RASA2: variants seen among roughly 807,000 people sequenced by gnomAD.
RASA2 encodes the protein ras GTPase-activating protein 2.
Under a neutral mutation model 118.2 loss-of-function variants are expected in RASA2, and 155 were observed. That is an observed-to-expected ratio of 1.31 (90% CI 1.15 to 1.50). The LOEUF (loss-of-function observed/expected upper bound fraction) is 1.50. Among genes scored for constraint, RASA2 ranks in the 40% most tolerant of loss-of-function variants. The pLI is 0.00. For missense variants in RASA2, 1,016 were observed against 1,009.6 expected (o/e 1.01, Z -0.09); for synonymous variants, 353 against 349.1 (o/e 1.01, Z -0.12).
chr3:141,608,500 A>T lies in RASA2; in HGVS notation c.2028A>T (p.Val676=), dbSNP rs770775953. 1 of 1,613,668 alleles carries T rather than the reference A, an allele frequency of 6.2e-7. No homozygotes were observed. The highest frequency in any genetic ancestry group is 8.5e-7 in the Non-Finnish European group (1 of 1,179,626). Residue 676 remains valine (V), a synonymous_variant, in exon 21 of 24, where the codon GTA becomes GTT. Transcript: ENST00000286364. The stretch of plus-strand genomic sequence containing the variant: ...AATTGCCTATGAAGATGTTCCAAGT[A>T]ATACATACGGAGAAACCACTCTATG... ...SSFNKKNMFQ[V]IHTEKPLYVQ...
chr3:141,563,597 GTACTT>G (rs1486699008), intron 9 of RASA2, among the ~76,000 whole-genome samples: 1 of 152,068 alleles, frequency 6.6e-6, no homozygotes, highest in East Asian at 1.9e-4. Flanking sequence ...ACTATTCTAA[GTACTT>G]TACTTATAAT....
intron 4 of RASA2, among the ~76,000 whole-genome samples, chr3:141,532,081 T>C (rs1462593424): frequency 6.6e-6 from 1 of 152,124 alleles, no homozygotes; most frequent in African/African-American, 2.4e-5. Context: ...CAGTGTATCC[T>C]AAGCACAGTA....
In RASA2 at chr3:141,554,800, T is replaced by C. The variant is rs528229111; in HGVS notation, c.611+860T>C. On this transcript the variant is annotated intron_variant, in intron 6 of 23. Transcript: ENST00000286364. ...TAGGTGCTCAAACAATAGTATGCTA[T>C]TAGCAGATACTCAGTCGTATGACAT... 1.2e-4 allele frequency among the ~76,000 whole-genome samples: 18 copies of C among 152,356 alleles called. No individual in the cohort carries two copies. In the South Asian group the frequency reaches 1.9e-3, roughly 16 times the overall value.
rs1291957682 is a variant in RASA2, at chr3:141,610,005, C to G, written c.2458C>G (p.Leu820Val). 10 of 1,604,606 alleles carry G rather than the reference C, an allele frequency of 6.2e-6. No individual in the cohort carries two copies. The highest frequency in any genetic ancestry group is 8.5e-6 in the Non-Finnish European group (10 of 1,175,718). Residue 820 changes from leucine to valine, a missense_variant, in exon 23 of 24, where the codon CTG becomes GTG. By Grantham distance (32) the Leu-to-Val change is conservative (BLOSUM62 1). Coordinates refer to ENST00000286364, the MANE Select transcript of RASA2 (RefSeq NM_006506.5). ...IQQIKSIIEK[L>V]DEPHEKYRKK... ...GCAAATAAAAAGCATAATTGAGAAG[C>G]TGGATGAACCTCATGAAAAATATAG...
At chr3:141,600,278 C>T (rs183740726) in intron 19 of RASA2, 46 of 536,590 alleles carry the variant, frequency 8.6e-5, no homozygotes, top group Admixed American at 8.0e-4. Context: ...TAGTTTTCAG[C>T]CCCTTCTACT....
At chr3:141,574,159 G>C in intron 14 of RASA2, 92 bp downstream of exon 14, 1 of 829,726 alleles carries the variant, frequency 1.2e-6, no homozygotes. Flanking sequence ...AGATATTTAA[G>C]GTTTTTATTT....
Position 141,556,505 on chromosome 3 carries a change from C to T in RASA2, c.684+593C>T, listed in dbSNP as rs186917989. 4.0e-3 allele frequency among the ~76,000 whole-genome samples: 615 copies of T among 151,958 alleles called. 1 individual carries two copies. The highest frequency in any genetic ancestry group is 6.9e-3 in the Non-Finnish European group (472 of 67,964). On this transcript the variant is annotated intron_variant, in intron 7 of 23. Transcript: ENST00000286364. ...TTTTAAGCCTAATTCATTCTGTGGA[C>T]GCCTGCTTATCTTCATAGACAGCTT...
At position 141,573,134 on chromosome 3, in the gene RASA2, A is replaced by G. The variant is rs1231511628; in HGVS notation, c.1285-13A>G. On this transcript the variant is annotated splice_polypyrimidine_tract_variant and intron_variant, in intron 12 of 23. Coordinates refer to ENST00000286364, the MANE Select transcript of RASA2 (RefSeq NM_006506.5). ...TTAGAAAAAAATCATTAACTGAAAA[A>G]TTTATTTTTCAGATATGTGACTCCT... 2 of 1,551,428 alleles carry G rather than the reference A, an allele frequency of 1.3e-6. No individual in the cohort carries two copies. Among genetic ancestry groups the G allele is most frequent in the East Asian group, 2.4e-5 (1 of 41,878 alleles).
At chr3:141,567,435 AT>A (rs2082839739) in intron 9 of RASA2, among the ~76,000 whole-genome samples, 1 of 152,042 alleles carries the variant, frequency 6.6e-6, no homozygotes, top group South Asian at 2.1e-4. Flanking sequence ...AATAATAATA[AT>A]TCCAAACATT....
chr3:141,592,809 T>A (rs1337804548), intron 19 of RASA2, among the ~76,000 whole-genome samples: 1 of 151,782 alleles, frequency 6.6e-6, no homozygotes, highest in Non-Finnish European at 1.5e-5. Context: ...AAAGAACTCT[T>A]TTTGAGGAAA....
intron 23 of RASA2, among the ~76,000 whole-genome samples, chr3:141,610,307 T>C (rs1408218585): frequency 7.0e-6 from 1 of 143,558 alleles, no homozygotes; most frequent in Non-Finnish European, 1.5e-5. Context: ...GTATATGAAA[T>C]TATATATGAT....
chr3:141,560,191 G>C (rs950668500), intron 9 of RASA2, among the ~76,000 whole-genome samples, 196 bp downstream of exon 9: 1 of 152,146 alleles, frequency 6.6e-6, no homozygotes, highest in Non-Finnish European at 1.5e-5. Context: ...GTGGTACTGA[G>C]ATAAAAGAAC....
intron 4 of RASA2, among the ~76,000 whole-genome samples, chr3:141,536,673 C>G (rs549475200): frequency 2.3e-4 from 35 of 152,054 alleles, no homozygotes; most frequent in African/African-American, 8.0e-4. Context: ...TGTCATTGAG[C>G]TTCCTTTAGG....
chr3:141,515,307 T>A (rs1323752052), intron 2 of RASA2, among the ~76,000 whole-genome samples: 1 of 152,216 alleles, frequency 6.6e-6, no homozygotes, highest in African/African-American at 2.4e-5. Flanking sequence ...TTAGGTATTA[T>A]GTATTGTAAA....
intron 15 of RASA2, 91 bp downstream of exon 15, chr3:141,577,197 G>A (rs1236933518): frequency 4.2e-6 from 4 of 953,288 alleles, no homozygotes; most frequent in East Asian, 3.0e-5. Flanking sequence ...TCACTAGGCT[G>A]TATTTTCTTA....
chr3:141,561,215 G>A (rs899204760), intron 9 of RASA2, among the ~76,000 whole-genome samples: 1 of 152,154 alleles, frequency 6.6e-6, no homozygotes. Context: ...TCTGAGCTCA[G>A]TTTGTCAAGT....
intron 5 of RASA2, among the ~76,000 whole-genome samples, chr3:141,547,182 G>C (rs2151108121): frequency 6.6e-6 from 1 of 151,880 alleles, no homozygotes; most frequent in South Asian, 2.1e-4. Context: ...GGTTATTCTG[G>C]GTCTTTTGTG....
chr3:141,573,825 A>G (rs949460642), intron 13 of RASA2, 119 bp from the exon 14 acceptor site: 11 of 831,640 alleles, frequency 1.3e-5, no homozygotes, highest in African/African-American at 1.2e-4. Flanking sequence ...ACAGTACTTT[A>G]AAAAATGTTA....
chr3:141,609,907 G>T lies in RASA2; in HGVS notation c.2360G>T (p.Gly787Val). Residue 787 changes from glycine to valine, a missense_variant, in exon 23 of 24, where the codon GGA (glycine) becomes GTA (valine). Coordinates refer to ENST00000286364, the MANE Select transcript of RASA2 (RefSeq NM_006506.5). ...EACGTIAVYQGPQKEPDDYSN... is the reference protein window; with the variant it reads ...EACGTIAVYQVPQKEPDDYSN... The stretch of plus-strand genomic sequence containing the variant: ...TGTGGAACTATTGCAGTCTATCAAG[G>T]ACCACAGAAAGAGCCTGATGATTAT... 1 of 1,600,064 alleles carries T rather than the reference G, an allele frequency of 6.2e-7. No individual in the cohort carries two copies. Among genetic ancestry groups the T allele is most frequent in the South Asian group, 1.1e-5 (1 of 87,780 alleles).
Sources: gnomAD v4.1 joint callset for allele counts (sites outside exome capture counted in the v4.1 genomes callset) on GRCh38, gnomAD v4.1.1 for gene constraint, MANE v1.5 for transcripts, NCBI Gene and HGNC (gene_info 2026-07-23, HGNC 2026-07-21) for gene names.